KIF3B: variants seen among roughly 807,000 people sequenced by gnomAD.
KIF3B encodes the protein kinesin family member 3B.
In KIF3B, 38 loss-of-function variants were observed where a neutral mutation model predicts 74.3. That is an observed-to-expected ratio of 0.51 (90% CI 0.39 to 0.67). The LOEUF is 0.67. KIF3B is among the 30% of genes least tolerant of loss of function. The probability of loss-of-function intolerance (pLI) is 0.00; values close to 1 mark genes in which losing one functional copy is unlikely to be tolerated. For missense variants in KIF3B, 649 were observed against 932.0 expected (o/e 0.70, Z 3.95); for synonymous variants, 326 against 342.5 (o/e 0.95, Z 0.53).
chr20:32,299,395 ATATATATATTTTTT>A (rs1283814975), intron 1 of KIF3B, among the ~76,000 whole-genome samples: 1 of 33,956 alleles, frequency 2.9e-5, no homozygotes, highest in Admixed American at 3.7e-4. Context: ...ATATATATAT[ATATATATATTTTTT>A]TTTTTTTTTT....
chr20:32,305,859 G>A (rs553538199), intron 1 of KIF3B, among the ~76,000 whole-genome samples: 46 of 151,540 alleles, frequency 3.0e-4, no homozygotes, highest in African/African-American at 1.0e-3. Context: ...TGGGATTACA[G>A]GTGTGAGCCA....
At chr20:32,323,137 C>T (rs1432428642) in intron 5 of KIF3B, among the ~76,000 whole-genome samples, 359 of 23,556 alleles carry the variant, frequency 0.015, 8 homozygotes, top group South Asian at 0.023. Flanking sequence ...TATATATTTA[C>T]ATATATTTAT....
rs755574403 is a variant in KIF3B, at chr20:32,333,313, C to A, written c.*1994C>A. The A allele has an allele frequency of 6.6e-6, 1 of 152,048 alleles. No homozygotes were observed. 9.4% of individuals were successfully genotyped at this position (152,048 alleles called of 1,614,324 possible). On this transcript the variant is annotated 3_prime_UTR_variant, in exon 9 of 9. Coordinates refer to ENST00000375712, the MANE Select transcript of KIF3B (RefSeq NM_004798.4). The stretch of plus-strand genomic sequence containing the variant: ...CTGAATTCTGTAGGCTAAAAATATT[C>A]ATGTAGCAAATCTGAGAATTGAAAA...
At chr20:32,285,892 G>A (rs1437277727) in intron 1 of KIF3B, among the ~76,000 whole-genome samples, 1 of 152,168 alleles carries the variant, frequency 6.6e-6, no homozygotes, top group East Asian at 1.9e-4. Context: ...AGCTTGGGAT[G>A]TTCATGTTTA....
At chr20:32,287,677 C>T (rs2047673397) in intron 1 of KIF3B, among the ~76,000 whole-genome samples, 2 of 152,126 alleles carry the variant, frequency 1.3e-5, no homozygotes, top group Non-Finnish European at 2.9e-5. Flanking sequence ...GTAACTACTA[C>T]ACTTTCCCTG....
chr20:32,303,787 A>C (rs977745694), intron 1 of KIF3B, among the ~76,000 whole-genome samples: 1 of 150,498 alleles, frequency 6.6e-6, no homozygotes, highest in Non-Finnish European at 1.5e-5. Context: ...CCTTGGAGGC[A>C]GAGGTTGCAG....
intron 1 of KIF3B, among the ~76,000 whole-genome samples, chr20:32,284,234 TG>T (rs2047657314): frequency 6.6e-6 from 1 of 151,970 alleles, no homozygotes; most frequent in African/African-American, 2.4e-5. Context: ...CCACAGCACC[TG>T]GCCACCACTG....
chr20:32,293,554 G>A (rs897202840), intron 1 of KIF3B, among the ~76,000 whole-genome samples: 2 of 151,906 alleles, frequency 1.3e-5, no homozygotes, highest in African/African-American at 4.8e-5. Context: ...AGGCTATGGC[G>A]AGCCAACATC....
intron 1 of KIF3B, among the ~76,000 whole-genome samples, chr20:32,281,673 C>T (rs910361491): frequency 5.9e-5 from 9 of 152,038 alleles, no homozygotes; most frequent in African/African-American, 1.4e-4. Flanking sequence ...GCCGAGGTTG[C>T]GCCATTGCAC....
intron 5 of KIF3B, among the ~76,000 whole-genome samples, chr20:32,320,692 A>AT (rs1483891759): frequency 1.3e-5 from 2 of 151,202 alleles, no homozygotes; most frequent in African/African-American, 2.4e-5. Flanking sequence ...ATTTTTTAAA[A>AT]TTTTTTCATA....
intron 2 of KIF3B, among the ~76,000 whole-genome samples, chr20:32,311,413 T>C (rs1289317144): frequency 2.0e-5 from 3 of 152,072 alleles, no homozygotes; most frequent in Admixed American, 2.0e-4. Flanking sequence ...TTATTATGTA[T>C]GCACATAGTA....
chr20:32,329,654 G>T (rs1292177885), intron 7 of KIF3B, among the ~76,000 whole-genome samples: 1 of 152,146 alleles, frequency 6.6e-6, no homozygotes, highest in Non-Finnish European at 1.5e-5. Flanking sequence ...TTAAGTTATA[G>T]AGTAATTTAC....
intron 1 of KIF3B, among the ~76,000 whole-genome samples, chr20:32,291,280 A>G (rs1447058095): frequency 6.6e-6 from 1 of 152,204 alleles, no homozygotes; most frequent in Admixed American, 6.5e-5. Context: ...TAATTTTAAA[A>G]AAATTTTAAA....
At chr20:32,312,186 C>T (rs1460830716) in intron 2 of KIF3B, among the ~76,000 whole-genome samples, 3 of 150,752 alleles carry the variant, frequency 2.0e-5, no homozygotes, top group Non-Finnish European at 4.4e-5. Context: ...ATCACTGCAG[C>T]CTTGACCTCC....
Position 32,317,641 on chromosome 20 carries a change from GT to G in KIF3B, c.1748+781del, listed in dbSNP as rs1246559281. On this transcript the variant is annotated intron_variant, in intron 5 of 8. Coordinates refer to ENST00000375712, the MANE Select transcript of KIF3B (RefSeq NM_004798.4). ...TATATATATATATATGATCACAGTGGTTTTTTTTTTTTTTGAGACAGAGTTT... is the reference window on the plus strand; with the variant it reads ...TATATATATATATATGATCACAGTGGTTTTTTTTTTTTTGAGACAGAGTTT... Among the ~76,000 whole-genome samples the G allele has an allele frequency of 2.7e-3, 379 of 139,838 alleles. 2 individuals carry two copies. Among genetic ancestry groups the G allele is most frequent in the African/African-American group, 5.8e-3 (222 of 38,184 alleles). 91.7% of individuals were successfully genotyped at this position (139,838 alleles called of 152,430 possible).
intron 1 of KIF3B, among the ~76,000 whole-genome samples, chr20:32,308,726 CTTTTT>C (rs72491023): frequency 2.3e-5 from 3 of 130,516 alleles, no homozygotes; most frequent in South Asian, 2.4e-4. Flanking sequence ...TTTTATTTTA[CTTTTT>C]TTTTTTTTTT....
rs1187264463 is a variant in KIF3B at position 32,299,379 on chromosome 20, G to GTGTGTATATATA, written c.-65-10333_-65-10332insGTGTATATATAT. Among the ~76,000 whole-genome samples the GTGTGTATATATA allele has an allele frequency of 5.8e-3, 134 of 23,042 alleles. 2 individuals carry two copies. The highest frequency in any genetic ancestry group is 7.5e-3 in the Non-Finnish European group (109 of 14,462). 15.1% of individuals were successfully genotyped at this position (23,042 alleles called of 152,430 possible). A position where few individuals can be genotyped will look rare whatever the true frequency, so the allele number is the denominator to read the frequency against. ...CTTGTAACTACTGAATGGTGTGTGT[G>GTGTGTATATATA]TATATATATATATATATATATATAT... On this transcript the variant is annotated intron_variant, in intron 1 of 8. Coordinates refer to ENST00000375712, the MANE Select transcript of KIF3B (RefSeq NM_004798.4).
At chr20:32,296,729 T>C (rs1388030084) in intron 1 of KIF3B, among the ~76,000 whole-genome samples, 1 of 152,254 alleles carries the variant, frequency 6.6e-6, no homozygotes, top group Non-Finnish European at 1.5e-5. Context: ...CTTTCAGATA[T>C]ATTTTATGCA....
intron 1 of KIF3B, among the ~76,000 whole-genome samples, chr20:32,306,293 G>C (rs1209636270): frequency 6.6e-6 from 1 of 151,732 alleles, no homozygotes; most frequent in Admixed American, 6.6e-5. Context: ...CTACTAGGGA[G>C]GCTGAGGCAG....
Sources: allele counts gnomAD v4.1 joint callset (sites outside exome capture counted in the v4.1 genomes callset), GRCh38; gene constraint gnomAD v4.1.1; transcripts MANE v1.5; gene names NCBI Gene and HGNC (gene_info 2026-07-23, HGNC 2026-07-21).